Variants in MYOCD observed in about 807,000 individuals in gnomAD.
The protein encoded by MYOCD is myocardin.
A neutral mutation model predicts 96.1 loss-of-function variants in MYOCD; 32 were observed. The observed-to-expected ratio is 0.33, with a 90% CI of 0.25 to 0.45. The LOEUF is 0.45. Among genes scored for constraint, MYOCD ranks in the 20% least tolerant of loss-of-function variants. The pLI is 1.00. For synonymous variants in MYOCD, 469 were observed against 469.0 expected (o/e 1.00, Z 0.00); for missense variants, 1,133 against 1,200.6 (o/e 0.94, Z 0.83).
chr17:12,730,176 G>A (rs1240854321), intron 5 of MYOCD, among the ~76,000 whole-genome samples: 1 of 151,996 alleles, frequency 6.6e-6, no homozygotes, highest in Non-Finnish European at 1.5e-5. Flanking sequence ...GGCCAGGCGT[G>A]GTGGCTCATG....
chr17:12,714,603 A>G (rs1263230412), intron 2 of MYOCD, among the ~76,000 whole-genome samples: 1 of 152,202 alleles, frequency 6.6e-6, no homozygotes, highest in Non-Finnish European at 1.5e-5. Flanking sequence ...AGATTGTTCT[A>G]GATTAGGAAA....
At chr17:12,710,217 C>T (rs763432845) in intron 2 of MYOCD, among the ~76,000 whole-genome samples, 1 of 152,196 alleles carries the variant, frequency 6.6e-6, no homozygotes, top group Non-Finnish European at 1.5e-5. Flanking sequence ...TCTCCCTCTG[C>T]TACTAAAGTG....
chr17:12,713,359 G>C (rs1176806888), intron 2 of MYOCD, among the ~76,000 whole-genome samples: 1 of 152,094 alleles, frequency 6.6e-6, no homozygotes, highest in East Asian at 1.9e-4. Flanking sequence ...AATAAGAATT[G>C]AACAGCCTCA....
chr17:12,739,020 T>C (rs1567593292), intron 6 of MYOCD, among the ~76,000 whole-genome samples, 183 bp from the exon 7 acceptor site: 2 of 152,082 alleles, frequency 1.3e-5, no homozygotes, highest in East Asian at 1.9e-4. Context: ...TACATATATA[T>C]ACACACACAC....
At chr17:12,730,715 A>G (rs957100402) in intron 5 of MYOCD, among the ~76,000 whole-genome samples, 1 of 152,148 alleles carries the variant, frequency 6.6e-6, no homozygotes, top group Non-Finnish European at 1.5e-5. Context: ...TTAGGACACA[A>G]ATTTTGCTTC....
intron 1 of MYOCD, among the ~76,000 whole-genome samples, chr17:12,667,855 G>A (rs1909461096): frequency 6.6e-6 from 1 of 152,090 alleles, no homozygotes; most frequent in Non-Finnish European, 1.5e-5. Flanking sequence ...GAGAATTCCA[G>A]CCTCACTTTT....
In MYOCD at chr17:12,666,000, C is replaced by G; in HGVS notation, c.-189C>G. 1.8e-6 allele frequency: 1 copy of G among 558,942 alleles called. No individual in the cohort carries two copies. The highest frequency in any genetic ancestry group is 3.2e-6 in the Non-Finnish European group (1 of 314,006). 34.6% of individuals were successfully genotyped at this position (558,942 alleles called of 1,614,324 possible). On this transcript the variant is annotated 5_prime_UTR_variant, in exon 1 of 14. Transcript: ENST00000425538. This position sits in a 1 kb window ranked among gnomAD's most constrained non-coding sequence, Gnocchi z 4.2. ...GCCGGCTAAGAGTTAATTAGCCCCGCACGGCGAGGGGGGAGGCGCCAGTTT... is the reference window on the plus strand; with the variant it reads ...GCCGGCTAAGAGTTAATTAGCCCCGGACGGCGAGGGGGGAGGCGCCAGTTT...
intron 13 of MYOCD, 50 bp from the exon 14 acceptor site, chr17:12,763,023 C>G: frequency 6.8e-7 from 1 of 1,468,024 alleles, no homozygotes. Flanking sequence ...TATTGTGTGG[C>G]ATGCTCAATT....
chr17:12,714,649 T>C (rs1217724011), intron 2 of MYOCD, among the ~76,000 whole-genome samples: 1 of 152,190 alleles, frequency 6.6e-6, no homozygotes, highest in African/African-American at 2.4e-5. Context: ...AAAATGATGT[T>C]CTACTTCTTT....
At chr17:12,687,553 A>C (rs2030191907) in intron 1 of MYOCD, among the ~76,000 whole-genome samples, 1 of 152,144 alleles carries the variant, frequency 6.6e-6, no homozygotes, top group African/African-American at 2.4e-5. Flanking sequence ...ATAAATGTAT[A>C]TTTTCTTCTT....
chr17:12,704,965 C>G (rs1167286318), intron 1 of MYOCD, 163 bp from the exon 2 acceptor site: 1 of 598,108 alleles, frequency 1.7e-6, no homozygotes, highest in African/African-American at 1.9e-5. Flanking sequence ...CAGCTTCTCT[C>G]CTTCTTCTTC....
chr17:12,748,191 A>G (rs1217873985), intron 9 of MYOCD, among the ~76,000 whole-genome samples: 1 of 151,002 alleles, frequency 6.6e-6, no homozygotes, highest in African/African-American at 2.5e-5. Context: ...AAAAAACAAA[A>G]AAACTGGAGA....
chr17:12,681,079 T>C (rs768631586), intron 1 of MYOCD, among the ~76,000 whole-genome samples: 2 of 152,198 alleles, frequency 1.3e-5, no homozygotes, highest in Non-Finnish European at 2.9e-5. Context: ...CAAAATCCCA[T>C]GCCTTGTAAA....
Position 12,678,389 on chromosome 17 carries a change from C to T in MYOCD, c.55+12146C>T, listed in dbSNP as rs1597726149. On this transcript the variant is annotated intron_variant, in intron 1 of 13. Coordinates refer to ENST00000425538, the MANE Select transcript of MYOCD (RefSeq NM_001146312.3). ...GTGTGGTTTTTATTCTGGATCTGGT[C>T]TTTTGATGCCTCTGAAGACAGTGCC... Among the ~76,000 whole-genome samples the T allele has an allele frequency of 4.6e-5, 7 of 151,394 alleles. 2 individuals are homozygous for T. The South Asian group carries it at 1.5e-3, about 31-fold the overall frequency.
intron 5 of MYOCD, among the ~76,000 whole-genome samples, chr17:12,724,586 C>A (rs573896803): frequency 5.3e-5 from 8 of 152,150 alleles, no homozygotes; most frequent in African/African-American, 1.9e-4. Context: ...TCATCTTTTT[C>A]ATTATATTTT....
At chr17:12,703,693 C>A (rs1188799003) in intron 1 of MYOCD, among the ~76,000 whole-genome samples, 1 of 152,094 alleles carries the variant, frequency 6.6e-6, no homozygotes, top group African/African-American at 2.4e-5. Context: ...TCACACGAAT[C>A]CCTGAGGCTA....
At chr17:12,723,990 T>C (rs1364625982) in intron 5 of MYOCD, among the ~76,000 whole-genome samples, 1 of 152,146 alleles carries the variant, frequency 6.6e-6, no homozygotes, top group East Asian at 1.9e-4. Flanking sequence ...AATATGAAAA[T>C]ATCAACTCCA....
chr17:12,681,893 G>A (rs952917842), intron 1 of MYOCD, among the ~76,000 whole-genome samples: 1 of 152,126 alleles, frequency 6.6e-6, no homozygotes, highest in African/African-American at 2.4e-5. Flanking sequence ...TGTTATTCTT[G>A]GTCAGTGAAT....
At chr17:12,716,338 A>G (rs2031639299) in intron 3 of MYOCD, among the ~76,000 whole-genome samples, 1 of 144,458 alleles carries the variant, frequency 6.9e-6, no homozygotes, top group Admixed American at 7.0e-5. Flanking sequence ...TCTTATCAGA[A>G]CTGGAGTGAT....
Sources: gnomAD v4.1 joint callset for allele counts (sites outside exome capture counted in the v4.1 genomes callset) on GRCh38, gnomAD v4.1.1 for gene constraint, Gnocchi (gnomAD v3.1) non-coding constraint, MANE v1.5 for transcripts, NCBI Gene and HGNC (gene_info 2026-07-23, HGNC 2026-07-21) for gene names.